The following CPQ variants were observed in gnomAD, a reference collection of about 807,000 sequenced individuals.
CPQ encodes the protein Ser-Met dipeptidase.
CPQ carries 37 observed loss-of-function variants against 45.7 expected under a neutral mutation model. That is an observed-to-expected ratio of 0.81 (90% CI 0.62 to 1.07). The LOEUF is 1.07. Among genes scored for constraint, CPQ ranks in the 50% least tolerant of loss-of-function variants. The pLI, the probability that CPQ is intolerant of heterozygous loss-of-function variation, is 0.00. For synonymous variants in CPQ, 186 were observed against 205.8 expected (o/e 0.90, Z 0.82); for missense variants, 537 against 572.9 (o/e 0.94, Z 0.64).
At chr8:96,648,487 T>A (rs927375358) in intron 1 of CPQ, among the ~76,000 whole-genome samples, 1 of 152,212 alleles carries the variant, frequency 6.6e-6, no homozygotes, top group Non-Finnish European at 1.5e-5. Flanking sequence ...TTTTCTTTAA[T>A]GCAGCAAAGT....
intron 1 of CPQ, among the ~76,000 whole-genome samples, chr8:96,752,514 A>G (rs892612310): frequency 4.6e-5 from 7 of 152,284 alleles, no homozygotes; most frequent in African/African-American, 1.7e-4. Flanking sequence ...TTATCAGCTT[A>G]AGATGCTTTT....
At chr8:96,694,573 A>G (rs1222110076) in intron 1 of CPQ, among the ~76,000 whole-genome samples, 1 of 152,196 alleles carries the variant, frequency 6.6e-6, no homozygotes, top group South Asian at 2.1e-4. Context: ...TATGTCAAAT[A>G]TCTTCTCTGA....
intron 4 of CPQ, among the ~76,000 whole-genome samples, chr8:96,900,168 G>T (rs1443434677): frequency 6.6e-6 from 1 of 152,174 alleles, no homozygotes; most frequent in East Asian, 1.9e-4. Flanking sequence ...AATAGGAAAA[G>T]CCAGTTTCAT....
At chr8:96,905,231 C>T (rs1812560893) in intron 4 of CPQ, among the ~76,000 whole-genome samples, 1 of 152,064 alleles carries the variant, frequency 6.6e-6, no homozygotes, top group Non-Finnish European at 1.5e-5. Flanking sequence ...AGACCTCACT[C>T]ACTATCATGA....
chr8:96,866,331 G>A (rs933407722), intron 3 of CPQ, among the ~76,000 whole-genome samples: 2 of 152,028 alleles, frequency 1.3e-5, no homozygotes, highest in Non-Finnish European at 2.9e-5. Flanking sequence ...TTCATGACAA[G>A]CTCAGCAAAT....
chr8:96,788,822 C>T (rs1008831583), intron 2 of CPQ, among the ~76,000 whole-genome samples: 42 of 150,924 alleles, frequency 2.8e-4, no homozygotes, highest in Non-Finnish European at 1.8e-4. Flanking sequence ...TTTCTTTATT[C>T]TTTATTTTCT....
At chr8:96,809,588 G>C (rs1383515609) in intron 2 of CPQ, among the ~76,000 whole-genome samples, 2 of 152,164 alleles carry the variant, frequency 1.3e-5, no homozygotes, top group Non-Finnish European at 2.9e-5. Context: ...GCCGGGGTCA[G>C]GGGAGAGATT....
intron 4 of CPQ, among the ~76,000 whole-genome samples, chr8:96,894,238 C>G (rs1812415298): frequency 6.6e-6 from 1 of 152,134 alleles, no homozygotes. Context: ...CCAGAACCAC[C>G]CAGCTATGCC....
At chr8:96,937,738 T>C (rs765215196) in intron 4 of CPQ, among the ~76,000 whole-genome samples, 6 of 152,194 alleles carry the variant, frequency 3.9e-5, no homozygotes, top group Non-Finnish European at 8.8e-5. Flanking sequence ...GAAGCCTCTG[T>C]CGAGCGACTC....
intron 4 of CPQ, among the ~76,000 whole-genome samples, chr8:96,933,880 G>A (rs1409292575): frequency 6.6e-6 from 1 of 152,184 alleles, no homozygotes; most frequent in Admixed American, 6.5e-5. Flanking sequence ...CCTTAGCTCT[G>A]TGGCCTTGAG....
Position 97,020,129 on chromosome 8 carries a change from T to C in CPQ, c.962-9274T>C, listed in dbSNP as rs536131226. Among the ~76,000 whole-genome samples the C allele has an allele frequency of 2.0e-4, 31 of 152,240 alleles. No individual in the cohort carries two copies. In the South Asian group the frequency reaches 2.5e-3, roughly 12 times the overall value. ...TAAATAAACTGCTCCTGAATGATCATTGGGTCAAAATTGAAATCAAGATGA... is the reference window on the plus strand; with the variant it reads ...TAAATAAACTGCTCCTGAATGATCACTGGGTCAAAATTGAAATCAAGATGA... On this transcript the variant is annotated intron_variant, in intron 5 of 7. Transcript: ENST00000220763.
At chr8:97,057,751 A>G (rs769865125) in intron 6 of CPQ, among the ~76,000 whole-genome samples, 4 of 152,164 alleles carry the variant, frequency 2.6e-5, no homozygotes, top group Non-Finnish European at 5.9e-5. Context: ...CTTTTAGTAC[A>G]GTATTTGGAC....
intron 7 of CPQ, among the ~76,000 whole-genome samples, chr8:97,108,750 C>A (rs1811450425): frequency 6.6e-6 from 1 of 152,170 alleles, no homozygotes; most frequent in Non-Finnish European, 1.5e-5. Flanking sequence ...GAATTGAGAT[C>A]AACTTTAAAA....
chr8:96,661,903 C>T (rs1815705832), intron 1 of CPQ, among the ~76,000 whole-genome samples: 1 of 152,202 alleles, frequency 6.6e-6, no homozygotes. Flanking sequence ...ACATTCTCAC[C>T]AGCAATGAGT....
intron 7 of CPQ, chr8:97,133,287 C>T (rs1470671740): frequency 6.6e-6 from 1 of 152,122 alleles, no homozygotes; most frequent in African/African-American, 2.4e-5. Flanking sequence ...AGACCATGAA[C>T]TACATACAGA....
Position 97,058,809 on chromosome 8 carries a change from T to C in CPQ, c.1054-7200T>C, listed in dbSNP as rs553462446. On this transcript the variant is annotated intron_variant, in intron 6 of 7. Transcript: ENST00000220763. ...CTCTTGAGTCCCACTACTTCTATTATTATTATATTGCTTCCACATGAAAGA... is the reference window on the plus strand; with the variant it reads ...CTCTTGAGTCCCACTACTTCTATTACTATTATATTGCTTCCACATGAAAGA... 2.0e-5 allele frequency among the ~76,000 whole-genome samples: 3 copies of C among 152,334 alleles called. No individual in the cohort carries two copies. In the South Asian group the frequency reaches 6.2e-4, roughly 32 times the overall value.
chr8:96,708,433 GTGTGTATATATA>G (rs1809562222), intron 1 of CPQ, among the ~76,000 whole-genome samples: 1 of 126,866 alleles, frequency 7.9e-6, no homozygotes, highest in East Asian at 2.1e-4. Context: ...GTGTGTGTGT[GTGTGTATATATA>G]TATATATATA....
intron 7 of CPQ, among the ~76,000 whole-genome samples, chr8:97,135,418 A>AGG (rs1294226731): frequency 2.6e-5 from 4 of 152,304 alleles, no homozygotes; most frequent in African/African-American, 9.6e-5. Flanking sequence ...TTAATACAGT[A>AGG]GGGATTAAAC....
At chr8:96,775,938 A>T (rs925150448) in intron 1 of CPQ, among the ~76,000 whole-genome samples, 1 of 152,212 alleles carries the variant, frequency 6.6e-6, no homozygotes, top group African/African-American at 2.4e-5. Flanking sequence ...TGTACTCCAA[A>T]CAAAATGGAG....
Sources: allele counts gnomAD v4.1 joint callset (sites outside exome capture counted in the v4.1 genomes callset), GRCh38; gene constraint gnomAD v4.1.1; transcripts MANE v1.5; gene names NCBI Gene and HGNC (gene_info 2026-07-23, HGNC 2026-07-21).